EPHA6: variants seen among roughly 807,000 people sequenced by gnomAD.
EPHA6 encodes ephrin type-A receptor 6.
In EPHA6, 50 loss-of-function variants were observed where a neutral mutation model predicts 112.0. The observed-to-expected ratio is 0.45, with a 90% CI of 0.36 to 0.56. EPHA6 has a LOEUF of 0.56. EPHA6 is among the 20% of genes least tolerant of loss of function. The pLI, the probability that EPHA6 is intolerant of heterozygous loss-of-function variation, is 0.00. For synonymous variants in EPHA6, 529 were observed against 490.7 expected, an observed-to-expected ratio of 1.08 and a Z score of -1.03; for missense variants, 1,280 against 1,417.4, an observed-to-expected ratio of 0.90 and a Z score of 1.56.
At chr3:97,203,031 G>T (rs553022617) in intron 3 of EPHA6, among the ~76,000 whole-genome samples, 1 of 152,052 alleles carries the variant, frequency 6.6e-6, no homozygotes, top group South Asian at 2.1e-4. Flanking sequence ...GTAGGCAGGG[G>T]TCAGCTCTTA....
At chr3:96,997,289 A>G (rs916004694) in intron 3 of EPHA6, among the ~76,000 whole-genome samples, 2 of 152,082 alleles carry the variant, frequency 1.3e-5, no homozygotes, top group Non-Finnish European at 2.9e-5. Context: ...TCACTGGAGT[A>G]GTACTTTTTA....
At chr3:96,834,239 G>A (rs913441901) in intron 1 of EPHA6, among the ~76,000 whole-genome samples, 10 of 151,872 alleles carry the variant, frequency 6.6e-5, no homozygotes, top group African/African-American at 2.4e-4. Context: ...GCATTACACA[G>A]GAAAAAATGA....
At chr3:97,613,391 G>A (rs928136575) in intron 13 of EPHA6, among the ~76,000 whole-genome samples, 1 of 152,154 alleles carries the variant, frequency 6.6e-6, no homozygotes, top group South Asian at 2.1e-4. Flanking sequence ...ATAGCCTTCT[G>A]TGCTTACTGG....
chr3:96,872,885 G>A (rs1352105559), intron 2 of EPHA6, among the ~76,000 whole-genome samples: 1 of 151,982 alleles, frequency 6.6e-6, no homozygotes, highest in East Asian at 1.9e-4. Flanking sequence ...CGAATCTGTG[G>A]TTTGGAGCCT....
intron 13 of EPHA6, among the ~76,000 whole-genome samples, chr3:97,620,179 A>T (rs2093802179): frequency 6.6e-6 from 1 of 152,062 alleles, no homozygotes. Context: ...AGATTTCTTT[A>T]TTCAATAAAG....
chr3:97,044,347 T>C (rs1159999789), intron 3 of EPHA6, among the ~76,000 whole-genome samples: 1 of 152,206 alleles, frequency 6.6e-6, no homozygotes, highest in Non-Finnish European at 1.5e-5. Context: ...TCAACCTGTA[T>C]ATACCAGGTA....
At chr3:97,426,744 C>T (rs1452947247) in intron 6 of EPHA6, among the ~76,000 whole-genome samples, 3 of 152,124 alleles carry the variant, frequency 2.0e-5, no homozygotes, top group Non-Finnish European at 2.9e-5. Flanking sequence ...AAACTATCAA[C>T]AGAGTAACTA....
intron 5 of EPHA6, among the ~76,000 whole-genome samples, chr3:97,399,596 GTTAT>G (rs1337950039): frequency 6.6e-6 from 1 of 151,562 alleles, no homozygotes; most frequent in Non-Finnish European, 1.5e-5. Context: ...ACCAGCACTG[GTTAT>G]TTATTTTCTT....
chr3:96,873,820 T>A (rs183196402), intron 2 of EPHA6, among the ~76,000 whole-genome samples: 1 of 152,258 alleles, frequency 6.6e-6, no homozygotes, highest in African/African-American at 2.4e-5. Flanking sequence ...TACATTTCTG[T>A]CCCTGAATAT....
At chr3:96,916,571 G>A (rs1432489179) in intron 2 of EPHA6, among the ~76,000 whole-genome samples, 1 of 152,028 alleles carries the variant, frequency 6.6e-6, no homozygotes, top group African/African-American at 2.4e-5. Flanking sequence ...TAGTTTTGAA[G>A]AGACTCATAG....
chr3:97,502,684 A>AT (rs2092151115), intron 10 of EPHA6, among the ~76,000 whole-genome samples: 1 of 151,402 alleles, frequency 6.6e-6, no homozygotes, highest in Non-Finnish European at 1.5e-5. Context: ...ATACAAAAAA[A>AT]TTAGCTGGGC....
intron 14 of EPHA6, chr3:97,648,213 A>T: frequency 1.5e-6 from 1 of 667,902 alleles, no homozygotes; most frequent in East Asian, 2.8e-5. Context: ...ACAGAGCCTC[A>T]TTATTGACAA....
chr3:97,186,151 A>T (rs764666094), intron 3 of EPHA6, among the ~76,000 whole-genome samples: 21 of 152,034 alleles, frequency 1.4e-4, no homozygotes, highest in Non-Finnish European at 2.2e-4. Context: ...AGCATGGCAC[A>T]TGTTTACGTA....
At chr3:96,933,446 C>T (rs777408338) in intron 2 of EPHA6, among the ~76,000 whole-genome samples, 23 of 151,990 alleles carry the variant, frequency 1.5e-4, no homozygotes, top group Non-Finnish European at 1.5e-4. Flanking sequence ...TAACTATTTT[C>T]ATGATTTTGG....
intron 3 of EPHA6, among the ~76,000 whole-genome samples, chr3:97,222,900 A>G (rs962380641): frequency 1.3e-5 from 2 of 152,190 alleles, no homozygotes; most frequent in African/African-American, 4.8e-5. Context: ...TCCTTTGAGA[A>G]ACTAAATTTG....
intron 5 of EPHA6, among the ~76,000 whole-genome samples, chr3:97,305,074 A>G (rs751320400): frequency 1.3e-5 from 2 of 152,062 alleles, no homozygotes; most frequent in Non-Finnish European, 2.9e-5. Context: ...GGCAAAAGAC[A>G]TGAACAGATA....
chr3:97,120,237 C>T (rs1364792108), intron 3 of EPHA6, among the ~76,000 whole-genome samples: 4 of 151,892 alleles, frequency 2.6e-5, no homozygotes, highest in Non-Finnish European at 4.4e-5. Context: ...GTGATGTGTA[C>T]ATACCCTATT....
chr3:97,388,741 G>A (rs936648560), intron 5 of EPHA6, among the ~76,000 whole-genome samples: 14 of 152,048 alleles, frequency 9.2e-5, no homozygotes, highest in African/African-American at 3.4e-4. Context: ...GGAAGTTTGG[G>A]GGAAAAAGAT....
In EPHA6 at chr3:96,969,883, C is replaced by T. The variant is rs1359994719; in HGVS notation, c.451-17447C>T. Reference sequence around the variant, plus strand: ...ATTGTAATGTGTACAGGACATCACACTCTCAGGAGATTTGTCTATCAATGT... The same window carrying T: ...ATTGTAATGTGTACAGGACATCACATTCTCAGGAGATTTGTCTATCAATGT... On this transcript the variant is annotated intron_variant, in intron 2 of 17. Transcript: ENST00000389672. Among the ~76,000 whole-genome samples, 4 of 151,968 alleles carry T rather than the reference C, an allele frequency of 2.6e-5. No homozygotes were observed. The East Asian group carries it at 7.7e-4, about 29-fold the overall frequency.
Sources: gnomAD v4.1 joint callset for allele counts (sites outside exome capture counted in the v4.1 genomes callset) on GRCh38, gnomAD v4.1.1 for gene constraint, MANE v1.5 for transcripts, NCBI Gene and HGNC (gene_info 2026-07-23, HGNC 2026-07-21) for gene names.